Variants in COLEC10 observed in about 807,000 individuals in gnomAD.
COLEC10 encodes the protein collectin-10.
COLEC10 carries 22 observed loss-of-function variants against 28.4 expected under a neutral mutation model. The ratio of observed to expected loss-of-function variants is 0.78; its 90% CI spans 0.55 to 1.11. COLEC10 has a LOEUF of 1.11. COLEC10 is among the 50% of genes least tolerant of loss of function. The pLI, the probability that COLEC10 is intolerant of heterozygous loss-of-function variation, is 0.00. For missense variants in COLEC10, 361 were observed against 344.1 expected (o/e 1.05, Z -0.39); for synonymous variants, 125 against 116.1 (o/e 1.08, Z -0.49).
the COLEC10 span, among the ~76,000 whole-genome samples, chr8:118,956,855 TA>T: frequency 6.6e-6 from 1 of 152,180 alleles, no homozygotes; most frequent in Non-Finnish European, 1.5e-5. Flanking sequence ...CTTCATTAGA[TA>T]AAAACTCTTA....
chr8:119,024,359 A>G (rs906778439), intron 2 of COLEC10, among the ~76,000 whole-genome samples: 1 of 152,140 alleles, frequency 6.6e-6, no homozygotes, highest in African/African-American at 2.4e-5. Flanking sequence ...GAGATTTCCT[A>G]GTGACAGGAA....
the COLEC10 span, among the ~76,000 whole-genome samples, chr8:118,957,806 A>G: frequency 1.3e-5 from 2 of 151,980 alleles, no homozygotes; most frequent in East Asian, 1.9e-4. Context: ...ACAGGAGCTC[A>G]TTTTACCACC....
intron 1 of COLEC10, among the ~76,000 whole-genome samples, chr8:119,003,317 T>C (rs1400170089): frequency 6.6e-6 from 1 of 152,124 alleles, no homozygotes; most frequent in Non-Finnish European, 1.5e-5. Flanking sequence ...GTCTGCAAAA[T>C]GAAGTATACT....
At chr8:118,981,012 A>G in the COLEC10 span, among the ~76,000 whole-genome samples, 2 of 151,270 alleles carry the variant, frequency 1.3e-5, no homozygotes. Flanking sequence ...TGCAATGTTT[A>G]TAGTGGTAGT....
chr8:119,028,961 T>C (rs1814241518), intron 2 of COLEC10, among the ~76,000 whole-genome samples: 1 of 152,152 alleles, frequency 6.6e-6, no homozygotes, highest in South Asian at 2.1e-4. Context: ...AATTCAAAGA[T>C]GAATAAAGGG....
At chr8:119,035,165 T>A (rs558550397) in intron 2 of COLEC10, among the ~76,000 whole-genome samples, 4 of 152,350 alleles carry the variant, frequency 2.6e-5, no homozygotes, top group Non-Finnish European at 5.9e-5. Flanking sequence ...GCAATATGTT[T>A]GTGCACTAAA....
chr8:119,049,401 CTTTTTTT>C (rs34885340), intron 2 of COLEC10, among the ~76,000 whole-genome samples: 4 of 60,080 alleles, frequency 6.7e-5, no homozygotes, highest in East Asian at 6.6e-4. Flanking sequence ...ATTTTCTTTT[CTTTTTTT>C]TTTTTTTTTT....
At chr8:119,050,714 A>G (rs1814660139) in intron 2 of COLEC10, among the ~76,000 whole-genome samples, 1 of 152,216 alleles carries the variant, frequency 6.6e-6, no homozygotes, top group Non-Finnish European at 1.5e-5. Flanking sequence ...CATCTTGGTT[A>G]CTGATGCAAA....
At chr8:119,081,420 A>AT (rs1815367908) in intron 1 of COLEC10, among the ~76,000 whole-genome samples, 1 of 152,068 alleles carries the variant, frequency 6.6e-6, no homozygotes, top group Non-Finnish European at 1.5e-5. Flanking sequence ...AATATTACTA[A>AT]TTTTTTATGC....
the COLEC10 span, among the ~76,000 whole-genome samples, chr8:118,962,310 CA>C: frequency 1.3e-5 from 2 of 152,132 alleles, no homozygotes; most frequent in Non-Finnish European, 2.9e-5. Context: ...AAACTATTGC[CA>C]GTTAGTGTTT....
At chr8:119,061,996 T>C (rs1398420831) in intron 2 of COLEC10, among the ~76,000 whole-genome samples, 1 of 152,038 alleles carries the variant, frequency 6.6e-6, no homozygotes, top group African/African-American at 2.4e-5. Context: ...GTTTGGTACA[T>C]AGAAAGCTAT....
At position 119,091,011 on chromosome 8, in the gene COLEC10, T is replaced by G. The variant is rs906526209; in HGVS notation, c.221-138T>G. ...ATTATAAGTCTGTTAAACTAGACAA[T>G]ATAGCATGGGATATATATTAGATAT... On this transcript the variant is annotated intron_variant, in intron 2 of 5. Transcript: ENST00000332843. 4.3e-6 allele frequency: 3 copies of G among 698,236 alleles called. No individual in the cohort carries two copies. In the Admixed American group the frequency reaches 7.8e-5, roughly 18 times the overall value. 43.3% of individuals were successfully genotyped at this position (698,236 alleles called of 1,614,324 possible). A position where few individuals can be genotyped will look rare whatever the true frequency, so the allele number is the denominator to read the frequency against.
At chr8:119,102,320 T>C (rs762816067) in intron 3 of COLEC10, 28 bp from the exon 4 acceptor site, 2 of 1,496,080 alleles carry the variant, frequency 1.3e-6, no homozygotes, top group South Asian at 2.3e-5. Flanking sequence ...AATTTTATTT[T>C]ATTTTGGTTG....
intron 2 of COLEC10, among the ~76,000 whole-genome samples, chr8:119,025,722 C>T (rs1193224301): frequency 6.6e-6 from 1 of 152,176 alleles, no homozygotes; most frequent in African/African-American, 2.4e-5. Flanking sequence ...GGATTTATTG[C>T]AACCATATTG....
rs796935903 is a variant in COLEC10 at position 119,107,057 on chromosome 8, G to A, written c.*866G>A. ...CTTAACTTCATTTTTATTTATCTTA[G>A]GTTTACCTGCATCAATTTTATTCAC... is the stretch of plus-strand genomic sequence containing the variant. On this transcript the variant is annotated 3_prime_UTR_variant, in exon 6 of 6. Coordinates refer to ENST00000332843, the MANE Select transcript of COLEC10 (RefSeq NM_006438.5). 3.9e-5 allele frequency among the ~76,000 whole-genome samples: 6 copies of A among 152,184 alleles called. No homozygotes were observed. Among genetic ancestry groups the A allele is most frequent in the African/African-American group, 1.4e-4 (6 of 41,526 alleles).
intron 1 of COLEC10, among the ~76,000 whole-genome samples, chr8:118,996,776 T>A (rs1467265520): frequency 2.0e-5 from 3 of 152,198 alleles, no homozygotes; most frequent in African/African-American, 7.2e-5. Flanking sequence ...GGCACCAGCA[T>A]CTGCTCAGCT....
chr8:118,966,064 A>G, the COLEC10 span, among the ~76,000 whole-genome samples: 1 of 152,128 alleles, frequency 6.6e-6, no homozygotes, highest in African/African-American at 2.4e-5. Context: ...TCAGGGAAAA[A>G]TCTAAGTTAA....
At chr8:119,023,340 G>A (rs1001426501) in intron 2 of COLEC10, among the ~76,000 whole-genome samples, 1 of 152,064 alleles carries the variant, frequency 6.6e-6, no homozygotes, top group Admixed American at 6.6e-5. Context: ...TATCTCATTT[G>A]TAGAATAATA....
intron 1 of COLEC10, among the ~76,000 whole-genome samples, chr8:119,077,251 T>TC (rs1815260033): frequency 2.4e-5 from 3 of 125,070 alleles, no homozygotes; most frequent in African/African-American, 8.1e-5. Flanking sequence ...TGATTTTTTT[T>TC]TTTTTTTTTT....
Sources: gnomAD v4.1 joint callset for allele counts (sites outside exome capture counted in the v4.1 genomes callset) on GRCh38, gnomAD v4.1.1 for gene constraint, MANE v1.5 for transcripts, NCBI Gene and HGNC (gene_info 2026-07-23, HGNC 2026-07-21) for gene names.